INPP4B: variants seen among roughly 807,000 people sequenced by gnomAD.
INPP4B encodes the protein inositol polyphosphate-4-phosphatase type II B.
A neutral mutation model predicts 122.5 loss-of-function variants in INPP4B; 55 were observed. The observed-to-expected ratio is 0.45, with a 90% CI of 0.36 to 0.56. The LOEUF (loss-of-function observed/expected upper bound fraction) is 0.56. Ranked by LOEUF, INPP4B falls within the 20% of genes least tolerant of loss-of-function variation. The pLI is 0.00. For missense variants in INPP4B, 1,000 were observed against 1,097.7 expected (o/e 0.91, Z 1.26); for synonymous variants, 403 against 388.7 (o/e 1.04, Z -0.43).
intron 1 of INPP4B, among the ~76,000 whole-genome samples, chr4:142,770,667 C>T (rs1197957046): frequency 6.6e-6 from 1 of 152,066 alleles, no homozygotes; most frequent in African/African-American, 2.4e-5. Flanking sequence ...CTATACCAAA[C>T]AAGCAATTCC....
At chr4:142,843,349 A>G (rs1462772838) in intron 1 of INPP4B, among the ~76,000 whole-genome samples, 1 of 151,900 alleles carries the variant, frequency 6.6e-6, no homozygotes, top group Non-Finnish European at 1.5e-5. Flanking sequence ...CTCTCTAATC[A>G]AAGGTTTCTA....
At chr4:142,415,599 T>C (rs577102768) in intron 5 of INPP4B, among the ~76,000 whole-genome samples, 6,277 of 152,014 alleles carry the variant, frequency 0.041, 477 homozygotes, top group African/African-American at 0.14. Context: ...GTGTGGCGAT[T>C]CCTCAGGGAT....
intron 7 of INPP4B, among the ~76,000 whole-genome samples, chr4:142,332,700 T>C (rs547341548): frequency 4.6e-4 from 70 of 152,140 alleles, no homozygotes; most frequent in Admixed American, 1.3e-3. Flanking sequence ...CAATGCTTTC[T>C]TGTTTAAAAC....
At chr4:142,816,409 GAGTT>G in intron 1 of INPP4B, among the ~76,000 whole-genome samples, 1 of 151,938 alleles carries the variant, frequency 6.6e-6, no homozygotes. Flanking sequence ...GAAAAGTTAA[GAGTT>G]AGTGTGAGAA....
chr4:142,082,832 T>C (rs1388809596), intron 24 of INPP4B, among the ~76,000 whole-genome samples: 1 of 152,144 alleles, frequency 6.6e-6, no homozygotes, highest in African/African-American at 2.4e-5. Flanking sequence ...CTCTTTTTAA[T>C]AAACTTCACA....
chr4:142,114,666 T>A (rs10032526), intron 21 of INPP4B, among the ~76,000 whole-genome samples: 20,143 of 152,064 alleles, frequency 0.13, 1,504 homozygotes, highest in East Asian at 0.24. Flanking sequence ...TGAATATGAG[T>A]CCTTTTTCAA....
chr4:142,089,409 C>A (rs886906046), intron 23 of INPP4B, among the ~76,000 whole-genome samples: 4 of 149,592 alleles, frequency 2.7e-5, no homozygotes, highest in African/African-American at 9.9e-5. Context: ...TTGAAATTTG[C>A]TAACAGAGTA....
chr4:142,603,700 GC>G (rs1310220461), intron 2 of INPP4B, among the ~76,000 whole-genome samples: 10 of 151,866 alleles, frequency 6.6e-5, no homozygotes, highest in African/African-American at 2.4e-4. Context: ...ATAATGAGTA[GC>G]AAGACTGAAA....
At chr4:142,432,647 A>G (rs17016119) in intron 3 of INPP4B, among the ~76,000 whole-genome samples, 5,179 of 152,190 alleles carry the variant, frequency 0.034, 288 homozygotes, top group African/African-American at 0.12. Flanking sequence ...ACACATTCAT[A>G]GCACCACGTT....
intron 9 of INPP4B, among the ~76,000 whole-genome samples, chr4:142,298,140 T>A (rs1759624524): frequency 6.6e-6 from 1 of 151,990 alleles, no homozygotes; most frequent in Admixed American, 6.6e-5. Flanking sequence ...GGAAAGAAGA[T>A]TTAGAGTTGG....
chr4:142,154,669 T>C (rs1398531542), intron 17 of INPP4B, among the ~76,000 whole-genome samples: 1 of 152,158 alleles, frequency 6.6e-6, no homozygotes, highest in Non-Finnish European at 1.5e-5. Flanking sequence ...TCATGAATTA[T>C]AGTGGGAGAA....
chr4:142,521,172 A>G (rs1482899583), intron 2 of INPP4B, among the ~76,000 whole-genome samples: 3 of 152,026 alleles, frequency 2.0e-5, no homozygotes, highest in East Asian at 1.9e-4. Context: ...GTTAAATTAC[A>G]TGAAACAATT....
At chr4:142,256,589 A>G (rs1736225251) in intron 11 of INPP4B, among the ~76,000 whole-genome samples, 1 of 152,232 alleles carries the variant, frequency 6.6e-6, no homozygotes, top group South Asian at 2.1e-4. Context: ...CTACGCAAAT[A>G]AACTAGAAAA....
chr4:142,298,010 G>T (rs1579644392), intron 9 of INPP4B, among the ~76,000 whole-genome samples: 2 of 152,172 alleles, frequency 1.3e-5, no homozygotes, highest in East Asian at 1.9e-4. Context: ...ACATGTCTGG[G>T]TAATGCAGGT....
rs375947363 is a variant in INPP4B, at chr4:142,256,974, G to A, written c.688+3518C>T. 1.2e-4 allele frequency among the ~76,000 whole-genome samples: 18 copies of A among 152,210 alleles called. No homozygotes were observed. In the East Asian group the frequency reaches 1.7e-3, roughly 15 times the overall value. ...ATCCTCAATGAAATACTGACAAACC[G>A]AATCCAGCAGCACATCAAAAAGCTT... On this transcript the variant is annotated intron_variant, in intron 11 of 25. Coordinates refer to ENST00000262992, the MANE Select transcript of INPP4B (RefSeq NM_001101669.3).
intron 17 of INPP4B, among the ~76,000 whole-genome samples, chr4:142,153,619 T>C (rs1815571130): frequency 6.6e-6 from 1 of 152,184 alleles, no homozygotes; most frequent in Non-Finnish European, 1.5e-5. Context: ...TTTTACATAA[T>C]CATTACATTA....
At chr4:142,196,430 C>T (rs1838250876) in intron 14 of INPP4B, among the ~76,000 whole-genome samples, 1 of 152,140 alleles carries the variant, frequency 6.6e-6, no homozygotes, top group African/African-American at 2.4e-5. Context: ...CTTCCTGATT[C>T]CCTGTGACAA....
rs1046677289 is a variant in INPP4B at position 142,778,358 on chromosome 4, C to T, written c.-253-52457G>A. Among the ~76,000 whole-genome samples, 7 of 152,100 alleles carry T rather than the reference C, an allele frequency of 4.6e-5. No homozygotes were observed. In the South Asian group the frequency reaches 8.3e-4, roughly 18 times the overall value. ...TAGGAATTTTAATCATCCAAGAACA[C>T]GCTGGCTACAGGTCAAGAAAAATTA... On this transcript the variant is annotated intron_variant, in intron 1 of 25. Transcript: ENST00000262992.
chr4:142,138,633 T>C (rs776276392), intron 18 of INPP4B, among the ~76,000 whole-genome samples: 1 of 152,150 alleles, frequency 6.6e-6, no homozygotes, highest in Non-Finnish European at 1.5e-5. Context: ...AATCCTTGCT[T>C]GGATGCCCAC....
Sources: gnomAD v4.1 joint callset for allele counts (sites outside exome capture counted in the v4.1 genomes callset) on GRCh38, gnomAD v4.1.1 for gene constraint, MANE v1.5 for transcripts, NCBI Gene and HGNC (gene_info 2026-07-23, HGNC 2026-07-21) for gene names.